PCDH15: variants seen among roughly 807,000 people sequenced by gnomAD.
The protein encoded by PCDH15 is protocadherin related 15.
PCDH15 carries 129 observed loss-of-function variants against 178.5 expected under a neutral mutation model. That is an observed-to-expected ratio of 0.72 (90% CI 0.63 to 0.84). The LOEUF is 0.84. Among genes scored for constraint, PCDH15 ranks in the 40% least tolerant of loss-of-function variants. The pLI, the probability that PCDH15 is intolerant of heterozygous loss-of-function variation, is 0.00. For missense variants in PCDH15, 2,230 were observed against 2,099.9 expected, an observed-to-expected ratio of 1.06 and a Z score of -1.21; for synonymous variants, 800 against 732.0, an observed-to-expected ratio of 1.09 and a Z score of -1.50.
rs67776985 is a variant in PCDH15, at chr10:54,467,601, G to GTT, written c.157+60209_157+60210dup. 9.4e-3 allele frequency among the ~76,000 whole-genome samples: 429 copies of GTT among 45,720 alleles called. 2 individuals carry two copies. The highest frequency in any genetic ancestry group is 0.013 in the African/African-American group (147 of 11,066). 30.0% of individuals were successfully genotyped at this position (45,720 alleles called of 152,430 possible). On this transcript the variant is annotated intron_variant, in intron 3 of 37. Transcript: ENST00000644397. ...TGTTCATCAAGGATATCAAGCTGTAGTTTTTTTTTTTTTTTTTTTTTTTTT... is the reference window on the plus strand; with the variant it reads ...TGTTCATCAAGGATATCAAGCTGTAGTTTTTTTTTTTTTTTTTTTTTTTTTTT...
At chr10:54,848,728 G>A (rs1288653044) in intron 3 of PCDH15, among the ~76,000 whole-genome samples, 1 of 152,126 alleles carries the variant, frequency 6.6e-6, no homozygotes, top group African/African-American at 2.4e-5. Flanking sequence ...TATTTTTAGT[G>A]CTTTTCTGTG....
chr10:54,594,437 G>C lies in PCDH15; in HGVS notation c.92-66560C>G, dbSNP rs189498539. On this transcript the variant is annotated intron_variant, in intron 2 of 37. Coordinates refer to ENST00000644397, the MANE Select transcript of PCDH15 (RefSeq NM_001384140.1). Reference sequence around the variant, plus strand: ...CCTTTGGTGTGCTGTCTTCTCTTTGGGCCCCAGCCTGCCTGTACCTGCTAG... The same window carrying C: ...CCTTTGGTGTGCTGTCTTCTCTTTGCGCCCCAGCCTGCCTGTACCTGCTAG... Among the ~76,000 whole-genome samples, 18 of 152,144 alleles carry C rather than the reference G, an allele frequency of 1.2e-4. No homozygotes were observed. The East Asian group carries it at 3.3e-3, about 28-fold the overall frequency.
At chr10:54,468,320 G>GT (rs1223559588) in intron 3 of PCDH15, among the ~76,000 whole-genome samples, 4 of 149,878 alleles carry the variant, frequency 2.7e-5, no homozygotes, top group Non-Finnish European at 4.5e-5. Context: ...TCTTAGTATT[G>GT]TTTTTTTTCT....
At chr10:53,889,600 G>T (rs2081413530) in intron 26 of PCDH15, among the ~76,000 whole-genome samples, 2 of 151,952 alleles carry the variant, frequency 1.3e-5, no homozygotes, top group South Asian at 2.1e-4. Flanking sequence ...CTGCTGAGGG[G>T]ATATAAATTA....
chr10:54,054,971 A>G (rs1439680121), intron 18 of PCDH15, among the ~76,000 whole-genome samples: 1 of 152,230 alleles, frequency 6.6e-6, no homozygotes, highest in East Asian at 1.9e-4. Flanking sequence ...ACAAAAAATA[A>G]GAAATCACCA....
At chr10:54,617,724 C>A (rs967132639) in intron 2 of PCDH15, among the ~76,000 whole-genome samples, 1 of 144,986 alleles carries the variant, frequency 6.9e-6, no homozygotes, top group African/African-American at 2.6e-5. Context: ...ACCAACCTGG[C>A]CAAGATGGTG....
At chr10:55,480,161 T>C (rs1205494443) in intron 2 of PCDH15, among the ~76,000 whole-genome samples, 1 of 151,614 alleles carries the variant, frequency 6.6e-6, no homozygotes, top group African/African-American at 2.4e-5. Flanking sequence ...GTTTGTGTCA[T>C]GTATGATTTA....
At chr10:54,966,485 G>T (rs1838793278) in intron 2 of PCDH15, among the ~76,000 whole-genome samples, 1 of 151,942 alleles carries the variant, frequency 6.6e-6, no homozygotes, top group Non-Finnish European at 1.5e-5. Context: ...TTGCTTCTAG[G>T]CTACCAACTT....
At chr10:55,427,028 C>T (rs1045484745) in intron 2 of PCDH15, among the ~76,000 whole-genome samples, 2 of 151,762 alleles carry the variant, frequency 1.3e-5, no homozygotes, top group African/African-American at 4.8e-5. Flanking sequence ...AACATTCAAA[C>T]AGGAAAACAG....
At chr10:54,835,741 C>A (rs1054153923) in intron 3 of PCDH15, among the ~76,000 whole-genome samples, 5 of 152,040 alleles carry the variant, frequency 3.3e-5, no homozygotes, top group African/African-American at 1.2e-4. Context: ...CATCAATATT[C>A]AGAAAAATAT....
At chr10:54,033,890 C>T (rs887716431) in intron 18 of PCDH15, among the ~76,000 whole-genome samples, 1 of 151,786 alleles carries the variant, frequency 6.6e-6, no homozygotes, top group African/African-American at 2.4e-5. Flanking sequence ...CTGTTGGGTT[C>T]AATATAAACA....
chr10:53,916,897 G>T (rs1443385227), intron 25 of PCDH15, among the ~76,000 whole-genome samples: 2 of 151,570 alleles, frequency 1.3e-5, no homozygotes, highest in African/African-American at 4.8e-5. Context: ...CTCAAGGCAG[G>T]AGGGAGAAAA....
intron 1 of PCDH15, among the ~76,000 whole-genome samples, chr10:55,287,040 T>G (rs1842889537): frequency 6.6e-6 from 1 of 151,966 alleles, no homozygotes; most frequent in South Asian, 2.1e-4. Context: ...ACTCAAAAGC[T>G]TTATTTTTCA....
intron 2 of PCDH15, among the ~76,000 whole-genome samples, chr10:55,134,370 C>T (rs1212394647): frequency 6.6e-6 from 1 of 152,180 alleles, no homozygotes; most frequent in African/African-American, 2.4e-5. Flanking sequence ...CTTCACTCCT[C>T]TTCTACCCAC....
intron 2 of PCDH15, among the ~76,000 whole-genome samples, chr10:55,610,826 A>T (rs1843351272): frequency 6.6e-6 from 1 of 152,050 alleles, no homozygotes; most frequent in Non-Finnish European, 1.5e-5. Context: ...GTTTGCCAGA[A>T]ATCTGTCCTA....
intron 1 of PCDH15, among the ~76,000 whole-genome samples, chr10:54,711,911 A>G (rs535428132): frequency 2.6e-5 from 4 of 152,072 alleles, no homozygotes; most frequent in South Asian, 2.1e-4. Context: ...TATAATTATC[A>G]TGGATTAACT....
chr10:55,037,047 GATAA>G (rs1175722714), intron 2 of PCDH15, among the ~76,000 whole-genome samples: 1 of 152,052 alleles, frequency 6.6e-6, no homozygotes, highest in Admixed American at 6.5e-5. Context: ...CACCCCTGAA[GATAA>G]ATAGTTAGAC....
chr10:55,226,076 C>A (rs1841028729), intron 1 of PCDH15, among the ~76,000 whole-genome samples: 1 of 152,076 alleles, frequency 6.6e-6, no homozygotes, highest in Non-Finnish European at 1.5e-5. Context: ...GAGAAAATAA[C>A]TACTCTTATC....
intron 3 of PCDH15, among the ~76,000 whole-genome samples, chr10:54,510,720 G>C (rs1255593747): frequency 6.6e-6 from 1 of 152,162 alleles, no homozygotes; most frequent in Non-Finnish European, 1.5e-5. Context: ...AACAAGCTAT[G>C]ACCATGTGAC....
Sources: gnomAD v4.1 joint callset for allele counts (sites outside exome capture counted in the v4.1 genomes callset) on GRCh38, gnomAD v4.1.1 for gene constraint, MANE v1.5 for transcripts, NCBI Gene and HGNC (gene_info 2026-07-23, HGNC 2026-07-21) for gene names.